The following PLCB1 variants were observed in gnomAD, a reference collection of about 807,000 sequenced individuals.
PLCB1 encodes phospholipase C beta 1.
Under a neutral mutation model 161.8 loss-of-function variants are expected in PLCB1, and 46 were observed. The observed-to-expected ratio is 0.28, with a 90% CI of 0.22 to 0.36. The LOEUF (loss-of-function observed/expected upper bound fraction) is 0.36. Ranked by LOEUF, PLCB1 falls within the 10% of genes least tolerant of loss-of-function variation. PLCB1 has a pLI of 1.00. For synonymous variants in PLCB1, 517 were observed against 503.7 expected (o/e 1.03, Z -0.35); for missense variants, 1,016 against 1,472.5 (o/e 0.69, Z 5.07).
At chr20:8,182,583 CTTTTTTTTT>C (rs113760426) in intron 2 of PLCB1, among the ~76,000 whole-genome samples, 2 of 139,248 alleles carry the variant, frequency 1.4e-5, no homozygotes, top group Non-Finnish European at 1.6e-5. Context: ...TCTTTTTTTT[CTTTTTTTTT>C]TTTTTTGAGA....
chr20:8,541,100 A>G (rs1379254291), intron 3 of PLCB1, among the ~76,000 whole-genome samples: 1 of 152,096 alleles, frequency 6.6e-6, no homozygotes, highest in Non-Finnish European at 1.5e-5. Context: ...AACAGTGGGG[A>G]TCTTACCTAT....
chr20:8,371,160 AC>A, intron 2 of PLCB1: 1 of 504,344 alleles, frequency 2.0e-6, no homozygotes, highest in Non-Finnish European at 3.5e-6. Context: ...ATAACCACAC[AC>A]TTTTTGCTTT....
At chr20:8,800,888 A>G (rs746053635) in intron 31 of PLCB1, among the ~76,000 whole-genome samples, 17 of 152,140 alleles carry the variant, frequency 1.1e-4, no homozygotes, top group Non-Finnish European at 1.8e-4. Context: ...CTGCAGTGCA[A>G]TCACTTTAGT....
chr20:8,540,269 A>T, intron 3 of PLCB1, among the ~76,000 whole-genome samples: 1 of 152,158 alleles, frequency 6.6e-6, no homozygotes, highest in East Asian at 1.9e-4. Context: ...TGCTTTCTCA[A>T]TAACCATCTC....
At chr20:8,594,368 A>G (rs775253900) in intron 3 of PLCB1, among the ~76,000 whole-genome samples, 17 of 151,724 alleles carry the variant, frequency 1.1e-4, no homozygotes, top group Non-Finnish European at 2.2e-4. Context: ...TTCCTGGGCT[A>G]CTCCACCACG....
At chr20:8,712,811 G>A (rs1261110489) in intron 12 of PLCB1, among the ~76,000 whole-genome samples, 1 of 152,128 alleles carries the variant, frequency 6.6e-6, no homozygotes, top group African/African-American at 2.4e-5. Context: ...TCACACCTTG[G>A]GAGTATTTTA....
intron 2 of PLCB1, among the ~76,000 whole-genome samples, chr20:8,356,613 G>A (rs6118172): frequency 1.3e-5 from 2 of 152,122 alleles, no homozygotes; most frequent in Non-Finnish European, 2.9e-5. Context: ...TTAAGACTCA[G>A]GTTAATTTAA....
chr20:8,713,636 T>C (rs780744971), intron 12 of PLCB1, among the ~76,000 whole-genome samples: 3 of 152,226 alleles, frequency 2.0e-5, no homozygotes, highest in Admixed American at 6.5e-5. Context: ...CTCTTCATTT[T>C]AATAAGACCC....
intron 2 of PLCB1, among the ~76,000 whole-genome samples, chr20:8,359,011 A>G (rs1341343086): frequency 6.6e-6 from 1 of 152,198 alleles, no homozygotes; most frequent in African/African-American, 2.4e-5. Flanking sequence ...GTCTTCTATT[A>G]GTTGTTCTTC....
At chr20:8,850,144 A>G (rs1986839530) in intron 31 of PLCB1, among the ~76,000 whole-genome samples, 1 of 152,234 alleles carries the variant, frequency 6.6e-6, no homozygotes, top group Non-Finnish European at 1.5e-5. Flanking sequence ...GACTCCCAGC[A>G]GATTTCTTTT....
chr20:8,523,887 A>G (rs973521163), intron 3 of PLCB1, among the ~76,000 whole-genome samples: 2 of 152,178 alleles, frequency 1.3e-5, no homozygotes, highest in African/African-American at 4.8e-5. Context: ...AAACCATGCC[A>G]CCCAGAGGCC....
intron 2 of PLCB1, among the ~76,000 whole-genome samples, chr20:8,291,499 C>G (rs1398597381): frequency 6.6e-6 from 1 of 152,184 alleles, no homozygotes; most frequent in Non-Finnish European, 1.5e-5. Context: ...ATCTGTTCCT[C>G]TCAACTATTT....
chr20:8,521,992 A>G (rs1288691290), intron 3 of PLCB1, among the ~76,000 whole-genome samples: 1 of 152,234 alleles, frequency 6.6e-6, no homozygotes, highest in African/African-American at 2.4e-5. Flanking sequence ...CTAAATCACT[A>G]GAACAGTGAG....
intron 3 of PLCB1, among the ~76,000 whole-genome samples, chr20:8,402,246 C>A (rs959693423): frequency 6.6e-6 from 1 of 151,922 alleles, no homozygotes; most frequent in Admixed American, 6.6e-5. Flanking sequence ...ATTGGTATTT[C>A]TTTAAGTGAT....
intron 4 of PLCB1, among the ~76,000 whole-genome samples, chr20:8,630,678 G>GAACT (rs1206270998): frequency 1.3e-5 from 2 of 152,090 alleles, no homozygotes; most frequent in Non-Finnish European, 2.9e-5. Context: ...TTCCCCAAAT[G>GAACT]AACTATATTC....
At chr20:8,342,672 C>T (rs1230045772) in intron 2 of PLCB1, among the ~76,000 whole-genome samples, 1 of 152,188 alleles carries the variant, frequency 6.6e-6, no homozygotes, top group African/African-American at 2.4e-5. Flanking sequence ...AAACCCTGAA[C>T]TGAGTCTAAC....
chr20:8,714,988 A>G (rs1979224162), intron 12 of PLCB1, among the ~76,000 whole-genome samples: 1 of 152,150 alleles, frequency 6.6e-6, no homozygotes, highest in South Asian at 2.1e-4. Flanking sequence ...CATTCATGGA[A>G]AAGGGAATGA....
chr20:8,374,671 C>G (rs1269525535), intron 3 of PLCB1, among the ~76,000 whole-genome samples: 1 of 152,060 alleles, frequency 6.6e-6, no homozygotes, highest in Non-Finnish European at 1.5e-5. Flanking sequence ...ACAAAAGCAG[C>G]AACAGGACTT....
At chr20:8,166,380 C>T (rs1419257803) in intron 2 of PLCB1, among the ~76,000 whole-genome samples, 1 of 150,810 alleles carries the variant, frequency 6.6e-6, no homozygotes, top group Non-Finnish European at 1.5e-5. Context: ...CCATTTTCCT[C>T]GAAACACTTT....
Sources: allele counts gnomAD v4.1 joint callset (sites outside exome capture counted in the v4.1 genomes callset), GRCh38; gene constraint gnomAD v4.1.1; transcripts MANE v1.5; gene names NCBI Gene and HGNC (gene_info 2026-07-23, HGNC 2026-07-21).